Variants in GPC6 observed in about 807,000 individuals in gnomAD.
The protein encoded by GPC6 is glypican-6.
Under a neutral mutation model 55.2 loss-of-function variants are expected in GPC6, and 14 were observed. That is an observed-to-expected ratio of 0.25 (90% CI 0.17 to 0.40). GPC6 has a LOEUF of 0.40. GPC6 is among the 10% of genes least tolerant of loss of function. The probability of loss-of-function intolerance (pLI) is 1.00; values close to 1 mark genes in which losing one functional copy is unlikely to be tolerated. For missense variants in GPC6, 641 were observed against 708.5 expected, an observed-to-expected ratio of 0.90 and a Z score of 1.08; for synonymous variants, 278 against 259.6, an observed-to-expected ratio of 1.07 and a Z score of -0.68.
intron 2 of GPC6, among the ~76,000 whole-genome samples, chr13:93,735,465 G>A (rs1293230809): frequency 6.6e-6 from 1 of 151,828 alleles, no homozygotes; most frequent in Non-Finnish European, 1.5e-5. Context: ...CCTAGTAGGT[G>A]GGGTTGCAGT....
At chr13:93,863,251 G>A (rs1180939302) in intron 3 of GPC6, among the ~76,000 whole-genome samples, 1 of 151,556 alleles carries the variant, frequency 6.6e-6, no homozygotes, top group Non-Finnish European at 1.5e-5. Flanking sequence ...TTTGAACACA[G>A]TCACACTTAT....
intron 4 of GPC6, among the ~76,000 whole-genome samples, chr13:94,118,290 C>T (rs1392830581): frequency 1.3e-5 from 2 of 152,006 alleles, no homozygotes; most frequent in South Asian, 2.1e-4. Flanking sequence ...GGGCTTTTCC[C>T]CCTTTGCTTG....
chr13:94,326,730 C>A (rs1191760322), intron 6 of GPC6, among the ~76,000 whole-genome samples: 1 of 152,196 alleles, frequency 6.6e-6, no homozygotes, highest in Admixed American at 6.5e-5. Context: ...GCAGTGAAAA[C>A]ACAGAAAATG....
chr13:93,393,982 T>C (rs1466578739), intron 1 of GPC6, among the ~76,000 whole-genome samples: 4 of 152,212 alleles, frequency 2.6e-5, no homozygotes, highest in African/African-American at 9.6e-5. Flanking sequence ...GAGTTGTCTC[T>C]CTTTATGACA....
intron 2 of GPC6, among the ~76,000 whole-genome samples, chr13:93,583,476 T>C (rs750928014): frequency 1.3e-5 from 2 of 152,144 alleles, no homozygotes; most frequent in Non-Finnish European, 2.9e-5. Context: ...TGGAGTGCAG[T>C]GGCGCGATAT....
intron 7 of GPC6, among the ~76,000 whole-genome samples, chr13:94,385,227 G>A (rs1342998648): frequency 6.7e-6 from 1 of 149,184 alleles, no homozygotes; most frequent in African/African-American, 2.5e-5. Flanking sequence ...GTGACAGAGT[G>A]AGACTCCATC....
intron 4 of GPC6, among the ~76,000 whole-genome samples, chr13:94,257,513 G>A (rs547710283): frequency 6.6e-6 from 1 of 152,230 alleles, no homozygotes; most frequent in South Asian, 2.1e-4. Flanking sequence ...CCCTCTCTTA[G>A]AAATAATTAG....
chr13:93,524,315 C>T (rs779834766), intron 1 of GPC6, among the ~76,000 whole-genome samples: 1 of 151,926 alleles, frequency 6.6e-6, no homozygotes, highest in Non-Finnish European at 1.5e-5. Flanking sequence ...AGTATGCTTC[C>T]TAAGTGAGGC....
intron 1 of GPC6, among the ~76,000 whole-genome samples, chr13:93,499,347 T>C (rs1320409594): frequency 2.4e-4 from 36 of 152,210 alleles, no homozygotes; most frequent in Admixed American, 2.4e-3. Context: ...GGGAGTTTGT[T>C]AGGACAAGGC....
At chr13:94,269,286 C>T (rs1181628901) in intron 4 of GPC6, among the ~76,000 whole-genome samples, 4 of 152,126 alleles carry the variant, frequency 2.6e-5, no homozygotes, top group Non-Finnish European at 4.4e-5. Context: ...CACAATGTCA[C>T]GCACAGCTAG....
intron 3 of GPC6, among the ~76,000 whole-genome samples, chr13:93,880,022 C>T (rs1382178787): frequency 1.3e-5 from 2 of 151,248 alleles, no homozygotes; most frequent in Non-Finnish European, 3.0e-5. Context: ...GAGATACCAT[C>T]TCACAGCAGT....
At chr13:93,616,185 T>G (rs956675962) in intron 2 of GPC6, among the ~76,000 whole-genome samples, 2 of 152,156 alleles carry the variant, frequency 1.3e-5, no homozygotes, top group Non-Finnish European at 2.9e-5. Context: ...TATTCTCATT[T>G]TTCCTTTTAA....
At chr13:93,422,793 AG>A (rs1566348591) in intron 1 of GPC6, among the ~76,000 whole-genome samples, 1 of 152,192 alleles carries the variant, frequency 6.6e-6, no homozygotes, top group Non-Finnish European at 1.5e-5. Context: ...TTTTTTTAAA[AG>A]CTTCCTCAAA....
At chr13:93,894,420 C>T (rs1443569309) in intron 3 of GPC6, among the ~76,000 whole-genome samples, 4 of 152,108 alleles carry the variant, frequency 2.6e-5, no homozygotes, top group Admixed American at 2.6e-4. Flanking sequence ...ATTTTGTAAG[C>T]TATTTATAGT....
intron 1 of GPC6, among the ~76,000 whole-genome samples, chr13:93,372,774 C>A (rs1188981844): frequency 6.6e-6 from 1 of 152,080 alleles, no homozygotes; most frequent in Admixed American, 6.5e-5. Flanking sequence ...TAATATCAGA[C>A]ATACTGTTGT....
chr13:93,380,913 G>T (rs1268099677), intron 1 of GPC6, among the ~76,000 whole-genome samples: 1 of 152,094 alleles, frequency 6.6e-6, no homozygotes, highest in Non-Finnish European at 1.5e-5. Context: ...TTGTCTCCAG[G>T]TAGAGAGTGG....
intron 3 of GPC6, among the ~76,000 whole-genome samples, chr13:93,872,936 T>G (rs1889175403): frequency 6.6e-6 from 1 of 151,928 alleles, no homozygotes; most frequent in Non-Finnish European, 1.5e-5. Context: ...CCTAACTTTG[T>G]GCTAAAAATT....
At chr13:94,105,665 C>G (rs1337284508) in intron 4 of GPC6, among the ~76,000 whole-genome samples, 1 of 151,914 alleles carries the variant, frequency 6.6e-6, no homozygotes, top group Non-Finnish European at 1.5e-5. Flanking sequence ...AAGTTTAGGG[C>G]GTGGTTGGAA....
chr13:93,430,554 G>T (rs1413362651), intron 1 of GPC6, among the ~76,000 whole-genome samples: 1 of 152,118 alleles, frequency 6.6e-6, no homozygotes. Flanking sequence ...AGATAAGGCA[G>T]ATTGAACAAC....
Sources: allele counts gnomAD v4.1 joint callset (sites outside exome capture counted in the v4.1 genomes callset), GRCh38; gene constraint gnomAD v4.1.1; transcripts MANE v1.5; gene names NCBI Gene and HGNC (gene_info 2026-07-23, HGNC 2026-07-21).